The following RFX4 variants were observed in gnomAD, a reference collection of about 807,000 sequenced individuals.
The protein encoded by RFX4 is transcription factor RFX4.
In RFX4, 10 loss-of-function variants were observed where a neutral mutation model predicts 95.0. The ratio of observed to expected loss-of-function variants is 0.11; its 90% CI spans 0.06 to 0.18. The LOEUF is 0.18. Among genes scored for constraint, RFX4 ranks in the 10% least tolerant of loss-of-function variants. The probability of loss-of-function intolerance (pLI) is 1.00; values close to 1 mark genes in which losing one functional copy is unlikely to be tolerated. For synonymous variants in RFX4, 321 were observed against 340.7 expected (o/e 0.94, Z 0.64); for missense variants, 640 against 922.0 (o/e 0.69, Z 3.96).
At chr12:106,683,932 T>C (rs1477775962) in intron 5 of RFX4, among the ~76,000 whole-genome samples, 1 of 152,184 alleles carries the variant, frequency 6.6e-6, no homozygotes, top group African/African-American at 2.4e-5. Flanking sequence ...TAATCAATTT[T>C]ATTGTATCCT....
intron 8 of RFX4, 112 bp downstream of exon 8, chr12:106,696,558 C>T (rs965717137): frequency 2.9e-6 from 3 of 1,049,920 alleles, no homozygotes; most frequent in Non-Finnish European, 4.0e-6. Flanking sequence ...CTTGTAAAGA[C>T]CATTAATATT....
intron 4 of RFX4, among the ~76,000 whole-genome samples, chr12:106,664,852 C>A (rs10861644): frequency 0.21 from 31,429 of 151,568 alleles, 3,540 homozygotes; most frequent in South Asian, 0.28. Context: ...TTCTAGTTAT[C>A]TTTCTGTTAT....
chr12:106,593,377 AAT>A (rs2039574550), intron 1 of RFX4, among the ~76,000 whole-genome samples: 1 of 152,224 alleles, frequency 6.6e-6, no homozygotes, highest in Non-Finnish European at 1.5e-5. Flanking sequence ...ATATTTATTT[AAT>A]CAGAATGGAA....
At position 106,733,240 on chromosome 12, in the gene RFX4, G is replaced by A. The variant is rs909155247; in HGVS notation, c.1633+155G>A. On this transcript the variant is annotated intron_variant, in intron 15 of 17. Transcript: ENST00000392842. ...AGTCCCAGCTACTTGGGAGGCTGAG[G>A]TGGGAGAATTGCTTGAGCCCAGGAG... 5 of 738,122 alleles carry A rather than the reference G, an allele frequency of 6.8e-6. No homozygotes were observed. The African/African-American group carries it at 7.0e-5, about 10-fold the overall frequency. 45.7% of individuals were successfully genotyped at this position (738,122 alleles called of 1,614,324 possible).
At chr12:106,670,622 C>T (rs1225482103) in intron 4 of RFX4, among the ~76,000 whole-genome samples, 1 of 152,126 alleles carries the variant, frequency 6.6e-6, no homozygotes, top group Admixed American at 6.5e-5. Context: ...TAGGGAATTT[C>T]CTGTGACACC....
intron 16 of RFX4, among the ~76,000 whole-genome samples, chr12:106,747,991 T>A (rs2042927543): frequency 6.6e-6 from 1 of 151,520 alleles, no homozygotes; most frequent in South Asian, 2.1e-4. Context: ...AGCTATTTTC[T>A]CAAAGAACAG....
chr12:106,697,535 C>T (rs1446031985), intron 8 of RFX4, among the ~76,000 whole-genome samples: 2 of 150,370 alleles, frequency 1.3e-5, no homozygotes, highest in Non-Finnish European at 3.0e-5. Context: ...CTTAAAACAA[C>T]AGAAAAGTTA....
chr12:106,722,397 A>G (rs578081150), intron 13 of RFX4, among the ~76,000 whole-genome samples: 1 of 152,352 alleles, frequency 6.6e-6, no homozygotes, highest in South Asian at 2.1e-4. Flanking sequence ...TTAGACAGGG[A>G]AAGTAATTCC....
At chr12:106,660,180 T>C (rs143039248) in intron 4 of RFX4, among the ~76,000 whole-genome samples, 54 of 152,072 alleles carry the variant, frequency 3.6e-4, no homozygotes, top group African/African-American at 1.2e-3. Context: ...CAGAGTGAAG[T>C]CTGCCTCCAA....
intron 13 of RFX4, among the ~76,000 whole-genome samples, chr12:106,729,176 T>G (rs1193614960): frequency 6.6e-6 from 1 of 152,236 alleles, no homozygotes; most frequent in Non-Finnish European, 1.5e-5. Flanking sequence ...GTTTGGATTT[T>G]TATCATCCAA....
chr12:106,661,957 C>A (rs1258143009), intron 4 of RFX4, among the ~76,000 whole-genome samples: 5 of 151,770 alleles, frequency 3.3e-5, no homozygotes, highest in African/African-American at 9.7e-5. Context: ...TATTTATCCA[C>A]CTACTTACTG....
chr12:106,746,927 T>C lies in RFX4; in HGVS notation c.1634-510T>C, dbSNP rs567586819. 3.7e-4 allele frequency among the ~76,000 whole-genome samples: 56 copies of C among 152,314 alleles called. 1 individual carries two copies. Among genetic ancestry groups the C allele is most frequent in the African/African-American group, 1.3e-3 (54 of 41,560 alleles). ...CTTCTAAAATTTTTATTGAGTGTTT[T>C]GGCAGTCAGGATCTGTACTAAGCAC... On this transcript the variant is annotated intron_variant, in intron 15 of 17. Coordinates refer to ENST00000392842, the MANE Select transcript of RFX4 (RefSeq NM_213594.3).
chr12:106,611,696 A>G (rs886122784), intron 2 of RFX4, among the ~76,000 whole-genome samples: 2 of 151,962 alleles, frequency 1.3e-5, no homozygotes, highest in African/African-American at 4.8e-5. Context: ...TTTTTTTAGT[A>G]CAGACAGGGT....
intron 15 of RFX4, among the ~76,000 whole-genome samples, chr12:106,737,625 A>T (rs1165205412): frequency 6.6e-6 from 1 of 152,188 alleles, no homozygotes; most frequent in Non-Finnish European, 1.5e-5. Context: ...TACTTAGAGA[A>T]GGATTGAGCG....
rs539369015 is a variant in RFX4, at chr12:106,654,869, A to G, written c.315+518A>G. On this transcript the variant is annotated intron_variant, in intron 4 of 17. Coordinates refer to ENST00000392842, the MANE Select transcript of RFX4 (RefSeq NM_213594.3). Reference sequence around the variant, plus strand: ...CTACAAAAAATTGTTAGCAGTGATCATTCCCATTTAATAGGCCAAGGAAAG... The same window carrying G: ...CTACAAAAAATTGTTAGCAGTGATCGTTCCCATTTAATAGGCCAAGGAAAG... 1.3e-4 allele frequency among the ~76,000 whole-genome samples: 20 copies of G among 152,334 alleles called. No individual in the cohort carries two copies. The East Asian group carries it at 2.7e-3, about 21-fold the overall frequency.
rs34226201 is a variant in RFX4, at chr12:106,614,477, CTGTGTGTG to C, written c.130+5630_130+5637del. ...CCCGGCCCTTCTTCACGTCTTTTGC[CTGTGTGTG>C]TGTGTGTGTGTGTGTGTGTGTGTGT... On this transcript the variant is annotated intron_variant, in intron 2 of 17. Coordinates refer to ENST00000392842, the MANE Select transcript of RFX4 (RefSeq NM_213594.3). Among the ~76,000 whole-genome samples, 424 of 127,850 alleles carry C rather than the reference CTGTGTGTG, an allele frequency of 3.3e-3. 3 individuals carry two copies. The highest frequency in any genetic ancestry group is 9.5e-3 in the African/African-American group (322 of 34,012). The allele number at this position is 127,850 out of a possible 152,430, so 83.9% of individuals were successfully genotyped here. A position where few individuals can be genotyped will look rare whatever the true frequency, so the allele number is the denominator to read the frequency against.
chr12:106,684,735 G>GA, intron 5 of RFX4: 1 of 1,520,044 alleles, frequency 6.6e-7, no homozygotes, highest in Non-Finnish European at 8.9e-7. Flanking sequence ...TGACAGTTGA[G>GA]AAGTAGTAGA....
intron 2 of RFX4, among the ~76,000 whole-genome samples, chr12:106,632,007 G>T (rs1412178762): frequency 1.3e-5 from 2 of 152,322 alleles, no homozygotes; most frequent in African/African-American, 4.8e-5. Context: ...AGCTGTATGT[G>T]CTTGGTACTA....
At chr12:106,729,838 G>A (rs982412396) in intron 13 of RFX4, among the ~76,000 whole-genome samples, 3 of 152,142 alleles carry the variant, frequency 2.0e-5, no homozygotes, top group African/African-American at 4.8e-5. Flanking sequence ...GATCAACAGC[G>A]CATGTAATTA....
Sources: allele counts gnomAD v4.1 joint callset (sites outside exome capture counted in the v4.1 genomes callset), GRCh38; gene constraint gnomAD v4.1.1; transcripts MANE v1.5; gene names NCBI Gene and HGNC (gene_info 2026-07-23, HGNC 2026-07-21).